THAP5: variants seen among roughly 807,000 people sequenced by gnomAD.
THAP5 encodes the protein THAP domain containing 5, also known as THAP domain-containing protein 5.
Under a neutral mutation model 34.0 loss-of-function variants are expected in THAP5, and 26 were observed. The observed-to-expected ratio is 0.77, with a 90% CI of 0.56 to 1.06. THAP5 has a LOEUF of 1.06. Ranked by LOEUF, THAP5 falls within the 50% of genes least tolerant of loss-of-function variation. THAP5 has a pLI of 0.00. For synonymous variants in THAP5, 125 were observed against 153.0 expected, an observed-to-expected ratio of 0.82 and a Z score of 1.35; for missense variants, 394 against 452.8, an observed-to-expected ratio of 0.87 and a Z score of 1.18.
At chr7:108,560,999 G>A (rs112000460), downstream of THAP5, among the ~76,000 whole-genome samples, 346 of 152,214 alleles carry the variant, frequency 2.3e-3, 1 homozygote, top group African/African-American at 7.5e-3. Flanking sequence ...CCCCCAGAGC[G>A]TTGAGATTAC....
chr7:108,561,313 GAA>G, downstream of THAP5, among the ~76,000 whole-genome samples: 1 of 151,708 alleles, frequency 6.6e-6, no homozygotes, highest in South Asian at 2.1e-4. Flanking sequence ...GCCCAGGCTG[GAA>G]TGCAGTGGCA....
chr7:108,565,804 A>G (rs757749530), intron 2 of THAP5, 26 bp downstream of exon 2: 37 of 1,512,978 alleles, frequency 2.4e-5, no homozygotes, highest in Non-Finnish European at 8.8e-7. Flanking sequence ...TCTGCTCAGC[A>G]TTACCCCTCT....
the THAP5 span, among the ~76,000 whole-genome samples, chr7:108,542,202 ATT>A: frequency 1.3e-5 from 2 of 152,294 alleles, no homozygotes; most frequent in East Asian, 3.9e-4. Context: ...ATAGATATAT[ATT>A]ATGTAGCATG....
intron 1 of THAP5, among the ~76,000 whole-genome samples, chr7:108,556,403 C>G (rs536281188): frequency 4.0e-4 from 61 of 152,260 alleles, no homozygotes; most frequent in African/African-American, 1.4e-3. Flanking sequence ...GAATCAAAAA[C>G]AAGTCATTTA....
chr7:108,554,738 A>T lies in THAP5; in HGVS notation n.230T>A, dbSNP rs553889376. The T allele has an allele frequency of 5.3e-5, 8 of 152,072 alleles. No individual in the cohort carries two copies. In the East Asian group the frequency reaches 1.5e-3, roughly 29 times the overall value. 9.4% of individuals were successfully genotyped at this position (152,072 alleles called of 1,614,324 possible). On this transcript the variant is annotated non_coding_transcript_exon_variant, in exon 2 of 2. Transcript: ENST00000468884. ...GTGTACTGTCACTTTTTCATTTGTG[A>T]CTCAGAGAAATCATCTTTTCCTCTT...
chr7:108,551,568 C>T (rs1864353882), downstream of THAP5, among the ~76,000 whole-genome samples: 2 of 152,212 alleles, frequency 1.3e-5, no homozygotes, highest in Admixed American at 6.5e-5. Flanking sequence ...AGAAAATAGA[C>T]TAAGACGTCC....
chr7:108,559,236 T>G (rs1361323206), downstream of THAP5, among the ~76,000 whole-genome samples: 1 of 152,196 alleles, frequency 6.6e-6, no homozygotes, highest in Non-Finnish European at 1.5e-5. Flanking sequence ...GCCCTTGACA[T>G]AGGGTATGGG....
chr7:108,544,706 G>T, the THAP5 span, among the ~76,000 whole-genome samples: 2 of 151,974 alleles, frequency 1.3e-5, no homozygotes, highest in African/African-American at 4.8e-5. Context: ...ACCCAGGCTG[G>T]AGTAGCAGAG....
downstream of THAP5, among the ~76,000 whole-genome samples, chr7:108,560,267 C>T (rs1171273724): frequency 6.6e-6 from 1 of 152,166 alleles, no homozygotes; most frequent in Non-Finnish European, 1.5e-5. Context: ...TCATATAGTT[C>T]ATATTTTACA....
chr7:108,550,067 C>A (rs1864344123), downstream of THAP5, among the ~76,000 whole-genome samples: 1 of 151,956 alleles, frequency 6.6e-6, no homozygotes, highest in African/African-American at 2.4e-5. Context: ...TTTTTATTTT[C>A]TTTTATGGCC....
intron 1 of THAP5, among the ~76,000 whole-genome samples, chr7:108,556,913 T>G (rs113946824): frequency 1.3e-5 from 2 of 152,232 alleles, no homozygotes; most frequent in Non-Finnish European, 1.5e-5. Context: ...ATCCAGGCAT[T>G]TCCATACATA....
At position 108,569,701 on chromosome 7, in the gene THAP5, T is replaced by A; in HGVS notation, c.-132A>T. ...CTAGCATTCTGCCGGGAAAGCCGCC[T>A]CGTCTGTCGACTCACTTCCGCCTCC... On this transcript the variant is annotated 5_prime_UTR_variant, in exon 1 of 3. Transcript: ENST00000415914. 8.1e-7 allele frequency: 1 copy of A among 1,238,562 alleles called. No homozygotes were observed. Among genetic ancestry groups the A allele is most frequent in the Non-Finnish European group, 1.1e-6 (1 of 892,872 alleles). The allele number at this position is 1,238,562 out of a possible 1,614,324, so 76.7% of individuals were successfully genotyped here. A position where few individuals can be genotyped will look rare whatever the true frequency, so the allele number is the denominator to read the frequency against.
chr7:108,550,159 G>A (rs1406250759), downstream of THAP5, among the ~76,000 whole-genome samples: 1 of 152,128 alleles, frequency 6.6e-6, no homozygotes, highest in Non-Finnish European at 1.5e-5. Context: ...TGGATATACA[G>A]AATCAATTCT....
downstream of THAP5, among the ~76,000 whole-genome samples, chr7:108,558,377 G>GTGTGTGTGTATATATATATATATA (rs1401164750): frequency 1.3e-3 from 82 of 62,874 alleles, no homozygotes; most frequent in African/African-American, 3.2e-3. Context: ...ATGTGTGTGT[G>GTGTGTGTGTATATATATATATATA]TATGTATATA....
chr7:108,546,408 C>T, the THAP5 span, among the ~76,000 whole-genome samples: 1 of 152,158 alleles, frequency 6.6e-6, no homozygotes, highest in African/African-American at 2.4e-5. Flanking sequence ...GGTGTGTACA[C>T]CTGGAACAGG....
chr7:108,564,108 A>G lies in THAP5; in HGVS notation c.*83T>C. On this transcript the variant is annotated 3_prime_UTR_variant, in exon 3 of 3. Transcript: ENST00000415914. ...AGGTTCATTAAGATGAGAACTTTATACAGGAAACAGTTCACTTTACATGTA... is the reference window on the plus strand; with the variant it reads ...AGGTTCATTAAGATGAGAACTTTATGCAGGAAACAGTTCACTTTACATGTA... 8.9e-7 allele frequency: 1 copy of G among 1,126,036 alleles called. No individual in the cohort carries two copies. The highest frequency in any genetic ancestry group is 1.3e-6 in the Non-Finnish European group (1 of 795,272). 69.8% of individuals were successfully genotyped at this position (1,126,036 alleles called of 1,614,324 possible).
At chr7:108,552,202 C>T (rs1282668204), downstream of THAP5, among the ~76,000 whole-genome samples, 4 of 152,142 alleles carry the variant, frequency 2.6e-5, no homozygotes, top group African/African-American at 9.7e-5. Context: ...AGGTAAGGAG[C>T]GAAACAGCTA....
the THAP5 span, among the ~76,000 whole-genome samples, chr7:108,545,687 TGATA>T: frequency 6.6e-6 from 1 of 152,222 alleles, no homozygotes; most frequent in Non-Finnish European, 1.5e-5. Flanking sequence ...TAGGAGTGGC[TGATA>T]GATCACCTTT....
At chr7:108,567,929 C>A (rs376864548) in intron 1 of THAP5, among the ~76,000 whole-genome samples, 1 of 152,174 alleles carries the variant, frequency 6.6e-6, no homozygotes, top group Non-Finnish European at 1.5e-5. Context: ...GTAAGGTCCA[C>A]AAAGTTTAGT....
Sources: allele counts gnomAD v4.1 joint callset (sites outside exome capture counted in the v4.1 genomes callset), GRCh38; gene constraint gnomAD v4.1.1; transcripts MANE v1.5; gene names NCBI Gene and HGNC (gene_info 2026-07-23, HGNC 2026-07-21).